Variants in IMMP2L observed in about 807,000 individuals in gnomAD.
IMMP2L encodes the protein inner mitochondrial membrane peptidase subunit 2.
In IMMP2L, 18 loss-of-function variants were observed where a neutral mutation model predicts 19.3. That is an observed-to-expected ratio of 0.93 (90% CI 0.64 to 1.38). The LOEUF is 1.38. Among genes scored for constraint, IMMP2L ranks in the 40% most tolerant of loss-of-function variants. The pLI, the probability that IMMP2L is intolerant of heterozygous loss-of-function variation, is 0.00. For missense variants in IMMP2L, 233 were observed against 218.2 expected, an observed-to-expected ratio of 1.07 and a Z score of -0.43; for synonymous variants, 76 against 73.0, an observed-to-expected ratio of 1.04 and a Z score of -0.21.
intron 5 of IMMP2L, among the ~76,000 whole-genome samples, chr7:110,792,611 A>G (rs1419056645): frequency 1.3e-5 from 2 of 152,128 alleles, no homozygotes; most frequent in Non-Finnish European, 2.9e-5. Flanking sequence ...TCCCACTAAC[A>G]ATGTCTTTCA....
chr7:111,494,417 A>C (rs1397764120), intron 2 of IMMP2L, among the ~76,000 whole-genome samples: 1 of 152,190 alleles, frequency 6.6e-6, no homozygotes, highest in East Asian at 1.9e-4. Flanking sequence ...CTTGGAAACA[A>C]CAACAAGGAA....
chr7:110,948,821 A>C (rs1297978422), intron 4 of IMMP2L, among the ~76,000 whole-genome samples: 1 of 152,172 alleles, frequency 6.6e-6, no homozygotes, highest in Admixed American at 6.5e-5. Context: ...CAGTGAACTA[A>C]GTGGGGTGAA....
At chr7:110,756,013 T>G (rs1024746064) in intron 5 of IMMP2L, among the ~76,000 whole-genome samples, 14 of 152,050 alleles carry the variant, frequency 9.2e-5, no homozygotes, top group South Asian at 6.2e-4. Flanking sequence ...TGTGGTAAGA[T>G]TTGCATGTAA....
intron 3 of IMMP2L, among the ~76,000 whole-genome samples, chr7:111,359,126 G>C (rs184444347): frequency 6.6e-6 from 1 of 152,088 alleles, no homozygotes. Flanking sequence ...AGGTTAACAC[G>C]GTGAGACAGA....
In IMMP2L at chr7:111,405,560, T is replaced by C. The variant is rs139806795; in HGVS notation, c.239+81678A>G. On this transcript the variant is annotated intron_variant, in intron 3 of 5. Coordinates refer to ENST00000405709, the MANE Select transcript of IMMP2L (RefSeq NM_032549.4). ...AAGATTATAAAAGATTAGAGTATTA[T>C]CTGTTTGGATTTTTACATGAATTAT... Among the ~76,000 whole-genome samples, 445 of 152,220 alleles carry C rather than the reference T, an allele frequency of 2.9e-3. 3 individuals carry two copies. The highest frequency in any genetic ancestry group is 5.1e-3 in the Non-Finnish European group (344 of 67,970).
chr7:110,778,614 T>C (rs1799545870), intron 5 of IMMP2L, among the ~76,000 whole-genome samples: 1 of 152,018 alleles, frequency 6.6e-6, no homozygotes, highest in South Asian at 2.1e-4. Context: ...TCTTAAATTT[T>C]AGTGTATACA....
At chr7:110,786,869 A>T (rs1800114600) in intron 5 of IMMP2L, among the ~76,000 whole-genome samples, 1 of 152,018 alleles carries the variant, frequency 6.6e-6, no homozygotes, top group Non-Finnish European at 1.5e-5. Flanking sequence ...TCTCCATAAC[A>T]CTGAAAGCCA....
chr7:111,074,818 T>C (rs1795247837), intron 3 of IMMP2L, among the ~76,000 whole-genome samples: 1 of 152,206 alleles, frequency 6.6e-6, no homozygotes. Context: ...AAGGATAGTT[T>C]TGCAGTACTT....
intron 5 of IMMP2L, among the ~76,000 whole-genome samples, chr7:110,752,916 TGAA>T (rs1216467432): frequency 6.6e-6 from 1 of 151,982 alleles, no homozygotes; most frequent in African/African-American, 2.4e-5. Flanking sequence ...ATTTTACCAA[TGAA>T]GAAGTAAATA....
At chr7:110,880,585 G>A (rs1189141014) in intron 5 of IMMP2L, among the ~76,000 whole-genome samples, 1 of 151,356 alleles carries the variant, frequency 6.6e-6, no homozygotes, top group Non-Finnish European at 1.5e-5. Context: ...GACTTTTTTT[G>A]TCTTATGGGC....
chr7:111,083,518 G>A (rs1469512919), intron 3 of IMMP2L, among the ~76,000 whole-genome samples: 1 of 152,166 alleles, frequency 6.6e-6, no homozygotes. Context: ...CCGCAAAGGA[G>A]AGGAGAACGA....
At chr7:110,845,471 C>A (rs896057744) in intron 5 of IMMP2L, among the ~76,000 whole-genome samples, 2 of 152,032 alleles carry the variant, frequency 1.3e-5, no homozygotes, top group African/African-American at 4.8e-5. Flanking sequence ...CTGTTAATGA[C>A]TTAAGGGCCC....
intron 4 of IMMP2L, among the ~76,000 whole-genome samples, chr7:110,918,444 CT>C (rs1214723900): frequency 7.2e-6 from 1 of 139,602 alleles, no homozygotes; most frequent in Non-Finnish European, 1.5e-5. Flanking sequence ...AATTTCTTTT[CT>C]TTTTTTCTTT....
chr7:111,188,380 C>T (rs889044727), intron 3 of IMMP2L, among the ~76,000 whole-genome samples: 1 of 152,082 alleles, frequency 6.6e-6, no homozygotes, highest in African/African-American at 2.4e-5. Context: ...GGGCTCTCTT[C>T]CAGTTTGCAG....
At chr7:110,964,325 A>T in intron 3 of IMMP2L, among the ~76,000 whole-genome samples, 1 of 152,202 alleles carries the variant, frequency 6.6e-6, no homozygotes, top group East Asian at 1.9e-4. Flanking sequence ...GTTTTTTAAA[A>T]TTTCATTTAA....
intron 5 of IMMP2L, among the ~76,000 whole-genome samples, chr7:110,765,789 C>G (rs1798619149): frequency 6.6e-6 from 1 of 152,112 alleles, no homozygotes; most frequent in South Asian, 2.1e-4. Context: ...GCTTTTAATA[C>G]TTTATTTACT....
intron 3 of IMMP2L, among the ~76,000 whole-genome samples, chr7:111,261,556 G>T (rs543260574): frequency 1.5e-4 from 23 of 151,992 alleles, no homozygotes; most frequent in Admixed American, 1.2e-3. Context: ...CAGGAAGGCT[G>T]GTGTCTAGTG....
At chr7:111,026,682 T>C (rs1275559489) in intron 3 of IMMP2L, among the ~76,000 whole-genome samples, 1 of 152,140 alleles carries the variant, frequency 6.6e-6, no homozygotes, top group Non-Finnish European at 1.5e-5. Context: ...CTCATTCAAG[T>C]AAATAAAAGA....
intron 3 of IMMP2L, among the ~76,000 whole-genome samples, chr7:111,151,314 T>G (rs1230434748): frequency 1.3e-5 from 2 of 152,102 alleles, no homozygotes; most frequent in East Asian, 3.8e-4. Flanking sequence ...AACAACCAGC[T>G]TACGTGAAAT....
Sources: allele counts gnomAD v4.1 joint callset (sites outside exome capture counted in the v4.1 genomes callset), GRCh38; gene constraint gnomAD v4.1.1; transcripts MANE v1.5; gene names NCBI Gene and HGNC (gene_info 2026-07-23, HGNC 2026-07-21).